Variants in RGS17 observed in about 807,000 individuals in gnomAD.
RGS17 encodes the protein regulator of G-protein signaling 17.
In RGS17, 12 loss-of-function variants were observed where a neutral mutation model predicts 25.5. That is an observed-to-expected ratio of 0.47 (90% CI 0.30 to 0.76). The LOEUF (loss-of-function observed/expected upper bound fraction) is 0.76. Among genes scored for constraint, RGS17 ranks in the 30% least tolerant of loss-of-function variants. The pLI is 0.07. For missense variants in RGS17, 196 were observed against 242.2 expected (o/e 0.81, Z 1.27); for synonymous variants, 71 against 76.9 (o/e 0.92, Z 0.40).
At chr6:153,122,046 T>C (rs1308467960) in intron 1 of RGS17, among the ~76,000 whole-genome samples, 1 of 152,184 alleles carries the variant, frequency 6.6e-6, no homozygotes, top group Non-Finnish European at 1.5e-5. Flanking sequence ...CATAATAACG[T>C]ATTGAATGAT....
chr6:153,043,639 G>A (rs1776349187), intron 2 of RGS17, among the ~76,000 whole-genome samples: 1 of 152,042 alleles, frequency 6.6e-6, no homozygotes, highest in South Asian at 2.1e-4. Flanking sequence ...AAGCATGGAT[G>A]GAGAAAAACA....
chr6:153,126,681 T>C (rs1306971760), intron 1 of RGS17, among the ~76,000 whole-genome samples: 1 of 152,148 alleles, frequency 6.6e-6, no homozygotes, highest in East Asian at 1.9e-4. Flanking sequence ...TTTTCACCTA[T>C]CAAGTTAGCA....
At chr6:153,039,145 T>C (rs1256102346) in intron 2 of RGS17, among the ~76,000 whole-genome samples, 1 of 152,026 alleles carries the variant, frequency 6.6e-6, no homozygotes, top group Non-Finnish European at 1.5e-5. Flanking sequence ...AACCTGGAAA[T>C]GAAAAGCTTG....
chr6:153,095,906 A>G (rs980523088), intron 1 of RGS17, among the ~76,000 whole-genome samples: 1 of 152,244 alleles, frequency 6.6e-6, no homozygotes, highest in African/African-American at 2.4e-5. Flanking sequence ...GTGTTATAAT[A>G]CACAACCAAT....
chr6:153,052,357 T>TA (rs1229658583), intron 1 of RGS17, among the ~76,000 whole-genome samples: 1 of 152,190 alleles, frequency 6.6e-6, no homozygotes, highest in South Asian at 2.1e-4. Flanking sequence ...GTTCTGGACT[T>TA]ACTTAAAAGC....
intron 1 of RGS17, among the ~76,000 whole-genome samples, chr6:153,068,479 A>G (rs574267848): frequency 6.6e-6 from 1 of 152,270 alleles, no homozygotes; most frequent in South Asian, 2.1e-4. Flanking sequence ...ACTTCATCTA[A>G]GACATCAGAC....
chr6:153,009,496 GA>G lies in RGS17; in HGVS notation c.*2077del, dbSNP rs1779110245. On this transcript the variant is annotated 3_prime_UTR_variant, in exon 5 of 5. Transcript: ENST00000206262. ...TTTTAGGTTTTTCTTTACTCTTTAGGAAAAAATATGACTTTTTGTAAACATC... is the reference window on the plus strand; with the variant it reads ...TTTTAGGTTTTTCTTTACTCTTTAGGAAAAATATGACTTTTTGTAAACATC... The G allele has an allele frequency of 6.6e-6, 1 of 151,632 alleles. No homozygotes were observed. Among genetic ancestry groups the G allele is most frequent in the East Asian group, 1.9e-4 (1 of 5,170 alleles). The allele number at this position is 151,632 out of a possible 1,614,324, so 9.4% of individuals were successfully genotyped here. A position where few individuals can be genotyped will look rare whatever the true frequency, so the allele number is the denominator to read the frequency against.
intron 2 of RGS17, among the ~76,000 whole-genome samples, chr6:153,034,911 A>G (rs1176029514): frequency 2.0e-5 from 3 of 152,250 alleles, no homozygotes; most frequent in East Asian, 3.9e-4. Context: ...ACAATTTGGG[A>G]GGCTGAGGCA....
intron 1 of RGS17, among the ~76,000 whole-genome samples, chr6:153,078,623 G>A (rs987725046): frequency 6.6e-6 from 1 of 151,704 alleles, no homozygotes; most frequent in Admixed American, 6.6e-5. Flanking sequence ...CTTTATTAAT[G>A]TGATATATTG....
At chr6:153,127,658 A>G (rs1488944078) in intron 1 of RGS17, among the ~76,000 whole-genome samples, 1 of 152,200 alleles carries the variant, frequency 6.6e-6, no homozygotes, top group Non-Finnish European at 1.5e-5. Context: ...AGGGGATCTA[A>G]GATAAGCAAA....
intron 4 of RGS17, among the ~76,000 whole-genome samples, chr6:153,022,607 G>C (rs1416539246): frequency 6.6e-6 from 1 of 152,146 alleles, no homozygotes; most frequent in African/African-American, 2.4e-5. Flanking sequence ...AAATGGGCTT[G>C]ATAATCTTCC....
intron 2 of RGS17, among the ~76,000 whole-genome samples, chr6:153,039,225 C>T (rs545690602): frequency 6.6e-6 from 1 of 152,284 alleles, no homozygotes; most frequent in African/African-American, 2.4e-5. Flanking sequence ...AGTTCCACCT[C>T]GATCCCTAAT....
chr6:153,068,294 A>C (rs1334792665), intron 1 of RGS17, among the ~76,000 whole-genome samples: 1 of 151,762 alleles, frequency 6.6e-6, no homozygotes, highest in Non-Finnish European at 1.5e-5. Flanking sequence ...AAAAATACAA[A>C]AAACTAGCTG....
intron 1 of RGS17, among the ~76,000 whole-genome samples, chr6:153,075,856 T>C (rs116100859): frequency 2.1e-3 from 325 of 152,298 alleles, no homozygotes; most frequent in African/African-American, 7.2e-3. Flanking sequence ...ACATACACAT[T>C]CATACATACC....
At chr6:153,026,274 T>C (rs1311590747) in intron 3 of RGS17, among the ~76,000 whole-genome samples, 180 bp downstream of exon 3, 1 of 152,192 alleles carries the variant, frequency 6.6e-6, no homozygotes, top group East Asian at 1.9e-4. Flanking sequence ...ACATAGCTAA[T>C]AGAAAAATTG....
At chr6:153,048,781 T>A (rs541532596) in intron 1 of RGS17, among the ~76,000 whole-genome samples, 3 of 152,326 alleles carry the variant, frequency 2.0e-5, no homozygotes, top group South Asian at 4.1e-4. Context: ...CCTCACCTCA[T>A]CCCCAGTATG....
rs1452041356 is a variant in RGS17 at position 153,024,320 on chromosome 6, A to G, written c.386T>C (p.Ile129Thr). 1.2e-6 allele frequency: 2 copies of G among 1,613,884 alleles called. No individual in the cohort carries two copies. Among genetic ancestry groups the G allele is most frequent in the Non-Finnish European group, 1.7e-6 (2 of 1,179,928 alleles). The change falls in exon 4 of 5, where the codon ATT (isoleucine) becomes ACT (threonine). Residue 129 changes from isoleucine to threonine, a missense_variant. Ile to Thr is a moderately conservative substitution (Grantham distance 89). This residue lies in a region of RGS17 where 179 missense variants were observed against 197.6 expected (regional missense o/e 0.91). Coordinates refer to ENST00000206262, the MANE Select transcript of RGS17 (RefSeq NM_012419.5). ...DLKKEQNKKV[I>T]EEKARMIYED... Reference sequence around the variant, plus strand: ...ATATATCATCCTAGCCTTTTCTTCAATTACTTTTTTGTTCTGCTCCTTCTT... The same window carrying G: ...ATATATCATCCTAGCCTTTTCTTCAGTTACTTTTTTGTTCTGCTCCTTCTT...
At chr6:153,020,389 G>C (rs916767379) in intron 4 of RGS17, among the ~76,000 whole-genome samples, 1 of 151,504 alleles carries the variant, frequency 6.6e-6, no homozygotes, top group African/African-American at 2.4e-5. Context: ...GCCCGACCTT[G>C]TAATCCACCC....
At chr6:153,108,195 A>C (rs574938366) in intron 1 of RGS17, among the ~76,000 whole-genome samples, 86 of 152,314 alleles carry the variant, frequency 5.6e-4, no homozygotes, top group African/African-American at 2.0e-3. Context: ...GCCTCCGTAC[A>C]TAATTTTCCC....
Sources: allele counts gnomAD v4.1 joint callset (sites outside exome capture counted in the v4.1 genomes callset), GRCh38; gene constraint gnomAD v4.1.1; regional missense constraint gnomAD v4.1.1; transcripts MANE v1.5; gene names NCBI Gene and HGNC (gene_info 2026-07-23, HGNC 2026-07-21).